Variants in ATP8B4 observed in about 807,000 individuals in gnomAD.
ATP8B4 encodes the protein ATPase phospholipid transporting 8B4 (putative).
In ATP8B4, 133 loss-of-function variants were observed where a neutral mutation model predicts 145.6. That is an observed-to-expected ratio of 0.91 (90% CI 0.79 to 1.05). ATP8B4 has a LOEUF of 1.05. Among genes scored for constraint, ATP8B4 ranks in the 50% least tolerant of loss-of-function variants. The pLI is 0.00. For missense variants in ATP8B4, 1,458 were observed against 1,425.2 expected (o/e 1.02, Z -0.37); for synonymous variants, 507 against 492.9 (o/e 1.03, Z -0.38).
At chr15:50,136,104 C>T (rs1045854880) in intron 1 of ATP8B4, among the ~76,000 whole-genome samples, 2 of 152,192 alleles carry the variant, frequency 1.3e-5, no homozygotes, top group African/African-American at 4.8e-5. Flanking sequence ...TGATGTTAAG[C>T]ATGCCCATTC....
intron 14 of ATP8B4, 21 bp downstream of exon 14, chr15:49,961,955 TA>T: frequency 1.3e-6 from 2 of 1,572,444 alleles, no homozygotes; most frequent in Non-Finnish European, 1.7e-6. Flanking sequence ...AAACTAAGAA[TA>T]AAATTTTATC....
At chr15:49,885,606 A>G (rs2036088696) in intron 23 of ATP8B4, among the ~76,000 whole-genome samples, 1 of 152,188 alleles carries the variant, frequency 6.6e-6, no homozygotes, top group South Asian at 2.1e-4. Flanking sequence ...TTAACTTTCT[A>G]CTAGGCATTT....
At chr15:50,166,475 G>A (rs185335971) in intron 1 of ATP8B4, among the ~76,000 whole-genome samples, 2 of 152,144 alleles carry the variant, frequency 1.3e-5, no homozygotes. Context: ...CTCCTGTAGA[G>A]GGAAACTGCC....
chr15:49,939,639 A>T (rs2042008226), intron 14 of ATP8B4, among the ~76,000 whole-genome samples: 2 of 152,174 alleles, frequency 1.3e-5, no homozygotes. Flanking sequence ...ATACGTTCAG[A>T]CCAGATGGAT....
chr15:50,173,381 T>C (rs1267592481), intron 1 of ATP8B4, among the ~76,000 whole-genome samples: 1 of 152,062 alleles, frequency 6.6e-6, no homozygotes, highest in African/African-American at 2.4e-5. Context: ...ATGCTGTTAA[T>C]CTATAACCTT....
At chr15:50,108,200 G>A (rs981109124) in intron 1 of ATP8B4, among the ~76,000 whole-genome samples, 1 of 151,756 alleles carries the variant, frequency 6.6e-6, no homozygotes, top group East Asian at 1.9e-4. Flanking sequence ...TCCTAGCCCC[G>A]CCTCTCTACT....
chr15:49,895,461 T>C (rs2037299079), intron 23 of ATP8B4: 1 of 152,104 alleles, frequency 6.6e-6, no homozygotes. Context: ...TAACAATAGA[T>C]TCAAAATGAA....
chr15:49,883,487 T>C (rs2153411725), intron 23 of ATP8B4: 1 of 152,264 alleles, frequency 6.6e-6, no homozygotes, highest in African/African-American at 2.4e-5. Flanking sequence ...AGTGTCACAA[T>C]AACAAAAAGA....
chr15:50,164,785 A>G (rs1025371752), intron 1 of ATP8B4, among the ~76,000 whole-genome samples: 4 of 152,186 alleles, frequency 2.6e-5, no homozygotes, highest in African/African-American at 9.7e-5. Context: ...GACCATTGAG[A>G]TGGGAGATTC....
chr15:50,004,143 C>T (rs2048126006), intron 7 of ATP8B4, among the ~76,000 whole-genome samples: 1 of 152,196 alleles, frequency 6.6e-6, no homozygotes, highest in East Asian at 1.9e-4. Context: ...TCCATCCTCC[C>T]TTCTCCCTGT....
chr15:49,895,409 A>C (rs1267682183), intron 23 of ATP8B4: 3 of 152,238 alleles, frequency 2.0e-5, no homozygotes, highest in African/African-American at 7.2e-5. Context: ...GGTCCAACCC[A>C]ATTCACTGGC....
chr15:50,142,361 C>A (rs369516894), intron 1 of ATP8B4, among the ~76,000 whole-genome samples: 1 of 152,084 alleles, frequency 6.6e-6, no homozygotes, highest in East Asian at 1.9e-4. Flanking sequence ...AGAGTTATCA[C>A]GAAAGGTACC....
In ATP8B4 at chr15:49,916,905, C is replaced by T. The variant is rs748897032; in HGVS notation, c.2141+29G>A. On this transcript the variant is annotated intron_variant, in intron 20 of 27. Transcript: ENST00000284509. ...TTTCCCTCCCTCCCTCTCGTCCTTC[C>T]ATCCTTTCCTCCTTCCTTCAACACC... 3.8e-6 allele frequency: 6 copies of T among 1,593,052 alleles called. No homozygotes were observed. In the South Asian group the frequency reaches 5.6e-5, roughly 15 times the overall value.
At chr15:50,135,613 A>G (rs957266604) in intron 1 of ATP8B4, among the ~76,000 whole-genome samples, 3 of 152,202 alleles carry the variant, frequency 2.0e-5, no homozygotes, top group African/African-American at 7.2e-5. Flanking sequence ...AAGAATTCCA[A>G]ATGAGACTTT....
rs1036572808 is a variant in ATP8B4, at chr15:50,158,709, T to C, written c.-43+23552A>G. ...ATTGAGAAATCGGATGGTTGCTGTG[T>C]CTGGGTAGAAAGAAGTAGACATGGG... On this transcript the variant is annotated intron_variant, in intron 1 of 3. Transcript: ENST00000558829. 1.2e-4 allele frequency among the ~76,000 whole-genome samples: 19 copies of C among 152,350 alleles called. No homozygotes were observed. The South Asian group carries it at 1.7e-3, about 13-fold the overall frequency.
At chr15:50,085,926 ATCATATATATT>A (rs2054926518) in intron 2 of ATP8B4, among the ~76,000 whole-genome samples, 1 of 109,678 alleles carries the variant, frequency 9.1e-6, no homozygotes, top group Non-Finnish European at 1.7e-5. Context: ...TATGATATAT[ATCATATATATT>A]TATATATGAT....
chr15:49,947,157 GTGCGGTGGCTCATGCT>G (rs1389469797), intron 14 of ATP8B4, among the ~76,000 whole-genome samples: 1 of 152,162 alleles, frequency 6.6e-6, no homozygotes, highest in Non-Finnish European at 1.5e-5. Flanking sequence ...ATGAGGCCGG[GTGCGGTGGCTCATGCT>G]TGTAATCCCA....
chr15:50,175,223 A>C lies in ATP8B4; in HGVS notation c.-43+7038T>G, dbSNP rs28778092. 3.4e-3 allele frequency among the ~76,000 whole-genome samples: 516 copies of C among 152,272 alleles called. 5 individuals are homozygous for C. Among genetic ancestry groups the C allele is most frequent in the African/African-American group, 0.012 (489 of 41,562 alleles). ...ACATAACATTGGAAAAACCCTCTAG[A>C]CATTGGCTTATGCAAGGATTTCATG... On this transcript the variant is annotated intron_variant, in intron 1 of 3. Coordinates refer to the ATP8B4 transcript ENST00000558829.
chr15:49,864,985 T>C (rs1046494094), intron 26 of ATP8B4, among the ~76,000 whole-genome samples: 1 of 152,218 alleles, frequency 6.6e-6, no homozygotes, highest in African/African-American at 2.4e-5. Context: ...CTTGAAATCC[T>C]CAGTGATATG....
Sources: allele counts gnomAD v4.1 joint callset (sites outside exome capture counted in the v4.1 genomes callset), GRCh38; gene constraint gnomAD v4.1.1; transcripts MANE v1.5; gene names NCBI Gene and HGNC (gene_info 2026-07-23, HGNC 2026-07-21).